The following PLS1 variants were observed in gnomAD, a reference collection of about 807,000 sequenced individuals.
PLS1 encodes the protein plastin-1.
PLS1 carries 32 observed loss-of-function variants against 73.7 expected under a neutral mutation model. The observed-to-expected ratio is 0.43, with a 90% CI of 0.33 to 0.58. PLS1 has a LOEUF of 0.58. PLS1 is among the 20% of genes least tolerant of loss of function. The pLI is 0.04. For synonymous variants in PLS1, 217 were observed against 261.3 expected, an observed-to-expected ratio of 0.83 and a Z score of 1.63; for missense variants, 633 against 740.5, an observed-to-expected ratio of 0.85 and a Z score of 1.68.
In PLS1 at chr3:142,625,208, C is replaced by A. The variant is rs577774463; in HGVS notation, c.-37+28699C>A. ...AGGGATAAACTGCAGAAACAAACCT[C>A]TTAAACTCCCGAATATGTCACTGAG... On this transcript the variant is annotated intron_variant, in intron 1 of 15. Transcript: ENST00000457734. Among the ~76,000 whole-genome samples, 9 of 152,086 alleles carry A rather than the reference C, an allele frequency of 5.9e-5. 1 individual carries two copies. In the East Asian group the frequency reaches 1.7e-3, roughly 29 times the overall value.
At chr3:142,694,411 A>G in intron 10 of PLS1, 58 bp from the exon 11 acceptor site, 1 of 1,082,486 alleles carries the variant, frequency 9.2e-7, no homozygotes, top group Non-Finnish European at 1.4e-6. Flanking sequence ...ATGGTTTAAC[A>G]TATAGTTCCT....
At chr3:142,647,503 C>CTT (rs375387869) in intron 1 of PLS1, among the ~76,000 whole-genome samples, 100 of 141,910 alleles carry the variant, frequency 7.0e-4, no homozygotes, top group Non-Finnish European at 9.1e-4. Context: ...TTTTTCTTTT[C>CTT]TTTTTTTTTT....
intron 1 of PLS1, among the ~76,000 whole-genome samples, chr3:142,612,002 C>T (rs1463252250): frequency 3.3e-5 from 5 of 152,226 alleles, no homozygotes; most frequent in South Asian, 2.1e-4. Flanking sequence ...CTAAAACCAG[C>T]GCTCTCAATG....
chr3:142,648,021 C>G (rs1301235635), intron 1 of PLS1, among the ~76,000 whole-genome samples: 1 of 152,168 alleles, frequency 6.6e-6, no homozygotes, highest in African/African-American at 2.4e-5. Context: ...TTGCTGTCAT[C>G]TTTGGTTCAT....
In PLS1 at chr3:142,687,566, A is replaced by G. The variant is rs2037997530; in HGVS notation, c.981+1190A>G. ...GTAAAAAAATTAGGAACTTAAACTT[A>G]TGGAAAATTTTGAATATATTCAAGA... On this transcript the variant is annotated intron_variant, in intron 9 of 15. Transcript: ENST00000457734. 2.0e-5 allele frequency among the ~76,000 whole-genome samples: 3 copies of G among 152,282 alleles called. No homozygotes were observed. In the South Asian group the frequency reaches 6.2e-4, roughly 32 times the overall value.
At chr3:142,695,450 T>C (rs2038173199) in intron 11 of PLS1, among the ~76,000 whole-genome samples, 1 of 152,168 alleles carries the variant, frequency 6.6e-6, no homozygotes, top group South Asian at 2.1e-4. Flanking sequence ...GTAAAGCTCT[T>C]AAAGAGTGTG....
In PLS1 at chr3:142,711,861, G is replaced by T; in HGVS notation, c.1755-11G>T. ...TGGATAACACCAAGATATTTTTCTT[G>T]TCTCTTCAAGATACGCCATTTCAGT... On this transcript the variant is annotated splice_polypyrimidine_tract_variant and intron_variant, in intron 15 of 15. Coordinates refer to ENST00000457734, the MANE Select transcript of PLS1 (RefSeq NM_001145319.2). 8.1e-6 allele frequency: 13 copies of T among 1,611,808 alleles called. No individual in the cohort carries two copies. Among genetic ancestry groups the T allele is most frequent in the African/African-American group, 1.3e-5 (1 of 74,942 alleles).
chr3:142,711,463 A>T, intron 14 of PLS1, 38 bp from the exon 15 acceptor site: 1 of 1,444,070 alleles, frequency 6.9e-7, no homozygotes, highest in East Asian at 2.3e-5. Flanking sequence ...ATTAAAGGTC[A>T]GATGTTTATG....
At chr3:142,673,777 T>G (rs773176274) in intron 4 of PLS1, 2 of 152,158 alleles carry the variant, frequency 1.3e-5, no homozygotes, top group African/African-American at 2.4e-5. Flanking sequence ...GGACTGGTCT[T>G]TGGTCAAGGG....
rs752884101 is a variant in PLS1 at position 142,669,575 on chromosome 3, G to A, written c.234+22G>A. The A allele has an allele frequency of 7.0e-6, 11 of 1,582,582 alleles. No individual in the cohort carries two copies. In the East Asian group the frequency reaches 2.3e-4, roughly 32 times the overall value. ...GTCAGTAAGTAATCTAATCCTTTCGGGCTACTGATAATCTTGCTTAGAGCA... is the reference window on the plus strand; with the variant it reads ...GTCAGTAAGTAATCTAATCCTTTCGAGCTACTGATAATCTTGCTTAGAGCA... On this transcript the variant is annotated intron_variant, in intron 3 of 15. Coordinates refer to ENST00000457734, the MANE Select transcript of PLS1 (RefSeq NM_001145319.2).
chr3:142,703,739 A>G lies in PLS1; in HGVS notation c.1372-129A>G, dbSNP rs2038385850. 10 of 602,862 alleles carry G rather than the reference A, an allele frequency of 1.7e-5. No homozygotes were observed. The South Asian group carries it at 2.4e-4, about 14-fold the overall frequency. The allele number at this position is 602,862 out of a possible 1,614,324, so 37.3% of individuals were successfully genotyped here. A position where few individuals can be genotyped will look rare whatever the true frequency, so the allele number is the denominator to read the frequency against. On this transcript the variant is annotated intron_variant, in intron 12 of 15. Coordinates refer to ENST00000457734, the MANE Select transcript of PLS1 (RefSeq NM_001145319.2). ...ATGTCCTTGCTTTCCCTGGGTTATT[A>G]TTATGAAATTGGTCATATAAATTTA...
intron 6 of PLS1, among the ~76,000 whole-genome samples, chr3:142,683,559 G>A (rs112746619): frequency 0.018 from 2,758 of 152,226 alleles, 82 homozygotes; most frequent in African/African-American, 0.062. Flanking sequence ...ATCAGACCCC[G>A]GCCTTTCCAC....
At chr3:142,659,146 T>G (rs2037307287) in intron 1 of PLS1, among the ~76,000 whole-genome samples, 1 of 152,156 alleles carries the variant, frequency 6.6e-6, no homozygotes, top group African/African-American at 2.4e-5. Flanking sequence ...ATATTTGCCA[T>G]TATATTTCAT....
At chr3:142,664,943 C>G (rs1378800614) in intron 2 of PLS1, among the ~76,000 whole-genome samples, 2 of 151,822 alleles carry the variant, frequency 1.3e-5, no homozygotes, top group Non-Finnish European at 2.9e-5. Flanking sequence ...TCTTAGGAAA[C>G]CCATGGTAAA....
chr3:142,642,116 A>G (rs891180089), intron 1 of PLS1, among the ~76,000 whole-genome samples: 19 of 152,210 alleles, frequency 1.2e-4, no homozygotes, highest in African/African-American at 4.1e-4. Context: ...ACATTTCTAC[A>G]TGTTTCCCTT....
At chr3:142,622,195 CCTT>C (rs1404868867) in intron 1 of PLS1, among the ~76,000 whole-genome samples, 1 of 152,150 alleles carries the variant, frequency 6.6e-6, no homozygotes, top group Admixed American at 6.6e-5. Flanking sequence ...CAAGAATAAG[CCTT>C]CTTCAATACA....
At chr3:142,667,474 G>A (rs971716987) in intron 2 of PLS1, among the ~76,000 whole-genome samples, 19 of 152,066 alleles carry the variant, frequency 1.2e-4, no homozygotes, top group African/African-American at 4.1e-4. Context: ...TCAGCCTGGC[G>A]ACAGAGCAAG....
At chr3:142,617,862 C>T (rs759709205) in intron 1 of PLS1, among the ~76,000 whole-genome samples, 2 of 152,094 alleles carry the variant, frequency 1.3e-5, no homozygotes, top group Non-Finnish European at 2.9e-5. Flanking sequence ...TCTGTAATCC[C>T]AGCTACTCAG....
At chr3:142,710,667 T>G (rs1181526560) in intron 14 of PLS1, among the ~76,000 whole-genome samples, 1 of 152,162 alleles carries the variant, frequency 6.6e-6, no homozygotes, top group Non-Finnish European at 1.5e-5. Context: ...TGGGTTCTAC[T>G]TGTATGAAAG....
Sources: allele counts gnomAD v4.1 joint callset (sites outside exome capture counted in the v4.1 genomes callset), GRCh38; gene constraint gnomAD v4.1.1; transcripts MANE v1.5; gene names NCBI Gene and HGNC (gene_info 2026-07-23, HGNC 2026-07-21).